VAPA: variants seen among roughly 807,000 people sequenced by gnomAD.
The protein encoded by VAPA is vesicle-associated membrane protein-associated protein A.
In VAPA, 6 loss-of-function variants were observed where a neutral mutation model predicts 25.6. The ratio of observed to expected loss-of-function variants is 0.23; its 90% CI spans 0.13 to 0.46. VAPA has a LOEUF of 0.46. Among genes scored for constraint, VAPA ranks in the 20% least tolerant of loss-of-function variants. VAPA has a pLI of 0.99. For synonymous variants in VAPA, 112 were observed against 106.2 expected (o/e 1.05, Z -0.34); for missense variants, 244 against 302.1 (o/e 0.81, Z 1.43).
At chr18:9,933,161 T>C (rs1307181050) in intron 2 of VAPA, among the ~76,000 whole-genome samples, 2 of 150,946 alleles carry the variant, frequency 1.3e-5, no homozygotes, top group African/African-American at 2.4e-5. Flanking sequence ...TAAGATATTA[T>C]AATAATTCTG....
chr18:9,930,020 A>C (rs2069237705), intron 1 of VAPA, among the ~76,000 whole-genome samples: 1 of 152,166 alleles, frequency 6.6e-6, no homozygotes, highest in Admixed American at 6.6e-5. Flanking sequence ...ACTATTTCAG[A>C]ATTCGTACAA....
At chr18:9,930,699 TA>T (rs1555615841) in intron 1 of VAPA, among the ~76,000 whole-genome samples, 58 of 150,366 alleles carry the variant, frequency 3.9e-4, no homozygotes, top group African/African-American at 1.1e-3. Flanking sequence ...GCTTTTTTTT[TA>T]AAAAAAAAAT....
intron 4 of VAPA, among the ~76,000 whole-genome samples, chr18:9,937,616 AAAAC>A (rs1337071281): frequency 6.6e-6 from 1 of 152,306 alleles, no homozygotes; most frequent in South Asian, 2.1e-4. Context: ...TGTTTATTCA[AAAAC>A]AAACAAAAAA....
intron 4 of VAPA, chr18:9,945,129 C>A: frequency 6.6e-7 from 1 of 1,520,806 alleles, no homozygotes. Context: ...AGATACCTAG[C>A]AGATAAGTGG....
At chr18:9,935,182 T>G (rs1361102156) in intron 2 of VAPA, among the ~76,000 whole-genome samples, 1 of 152,112 alleles carries the variant, frequency 6.6e-6, no homozygotes, top group Non-Finnish European at 1.5e-5. Flanking sequence ...TATGGTTTCC[T>G]TGTGTACTTT....
intron 1 of VAPA, chr18:9,923,953 T>G (rs766792096): frequency 0.037 from 6,427 of 174,568 alleles, 181 homozygotes; most frequent in Admixed American, 0.071. Flanking sequence ...GCGCCCCATC[T>G]CGTCTGATCT....
chr18:9,943,841 C>CTTTTTTTTTT lies in VAPA; in HGVS notation c.418-6526_418-6517dup, dbSNP rs71169911. On this transcript the variant is annotated intron_variant, in intron 4 of 5. Coordinates refer to ENST00000400000, the MANE Select transcript of VAPA (RefSeq NM_194434.3). ...TGACATTTGAAGGTGACATATTTCC[C>CTTTTTTTTTT]TTTTTTTTTTTTTTTTTTTTTTTTT... Among the ~76,000 whole-genome samples, 44 of 51,770 alleles carry CTTTTTTTTTT rather than the reference C, an allele frequency of 8.5e-4. 13 individuals carry two copies. The highest frequency in any genetic ancestry group is 1.8e-3 in the Admixed American group (6 of 3,266). The allele number at this position is 51,770 out of a possible 152,430, so 34.0% of individuals were successfully genotyped here.
At position 9,954,268 on chromosome 18, in the gene VAPA, T is replaced by C; in HGVS notation, c.*57T>C. On this transcript the variant is annotated 3_prime_UTR_variant, in exon 6 of 6. Coordinates refer to ENST00000400000, the MANE Select transcript of VAPA (RefSeq NM_194434.3). ...TTTTTTTCTCTTGACCAGAAAAAGA[T>C]TTGTTTACCTACCATTTCATTGGTA... 1 of 1,486,472 alleles carries C rather than the reference T, an allele frequency of 6.7e-7. No individual in the cohort carries two copies. Among genetic ancestry groups the C allele is most frequent in the African/African-American group, 1.4e-5 (1 of 70,612 alleles). 92.1% of individuals were successfully genotyped at this position (1,486,472 alleles called of 1,614,324 possible). A position where few individuals can be genotyped will look rare whatever the true frequency, so the allele number is the denominator to read the frequency against.
chr18:9,951,616 T>A (rs2069490974), intron 5 of VAPA, among the ~76,000 whole-genome samples: 1 of 152,260 alleles, frequency 6.6e-6, no homozygotes, highest in Non-Finnish European at 1.5e-5. Flanking sequence ...CTTTGACAAG[T>A]AATTACTTGT....
At chr18:9,953,094 T>C (rs2069507189) in intron 5 of VAPA, among the ~76,000 whole-genome samples, 1 of 152,222 alleles carries the variant, frequency 6.6e-6, no homozygotes, top group Admixed American at 6.5e-5. Context: ...TAACAGGTAT[T>C]AGTATTTTTC....
intron 2 of VAPA, among the ~76,000 whole-genome samples, chr18:9,934,521 C>T (rs1567896300): frequency 6.6e-6 from 1 of 152,240 alleles, no homozygotes; most frequent in Non-Finnish European, 1.5e-5. Context: ...AAAAAGTTGT[C>T]TTAACCTTGA....
chr18:9,920,164 C>T (rs1479928737), intron 1 of VAPA, among the ~76,000 whole-genome samples: 1 of 152,076 alleles, frequency 6.6e-6, no homozygotes, highest in East Asian at 1.9e-4. Context: ...ATGTTTAGGT[C>T]TTTCAGGATA....
intron 1 of VAPA, among the ~76,000 whole-genome samples, chr18:9,920,656 A>G (rs1017031200): frequency 1.3e-5 from 2 of 152,196 alleles, no homozygotes; most frequent in Non-Finnish European, 2.9e-5. Flanking sequence ...TACGCTTTGG[A>G]AAAAGGAGGC....
chr18:9,947,938 GTAAA>G (rs578047700), intron 4 of VAPA: 8 of 151,934 alleles, frequency 5.3e-5, no homozygotes, highest in Non-Finnish European at 1.2e-4. Flanking sequence ...ATATGTATAT[GTAAA>G]TAAATTAGAT....
In VAPA at chr18:9,959,679, A is replaced by G. The variant is rs1431888919; in HGVS notation, c.*5468A>G. ...AAGAACCCTGAGGAAAAATAATACAATGTGTGTGTGTGAGAGAGAGAGTGA... is the reference window on the plus strand; with the variant it reads ...AAGAACCCTGAGGAAAAATAATACAGTGTGTGTGTGTGAGAGAGAGAGTGA... On this transcript the variant is annotated 3_prime_UTR_variant, in exon 6 of 6. Transcript: ENST00000400000. 5 of 142,588 alleles carry G rather than the reference A, an allele frequency of 3.5e-5. No individual in the cohort carries two copies. Among genetic ancestry groups the G allele is most frequent in the South Asian group, 2.4e-4 (1 of 4,246 alleles). 8.8% of individuals were successfully genotyped at this position (142,588 alleles called of 1,614,324 possible).
At chr18:9,916,141 C>T (rs371930926) in intron 1 of VAPA, among the ~76,000 whole-genome samples, 1 of 152,196 alleles carries the variant, frequency 6.6e-6, no homozygotes, top group East Asian at 1.9e-4. Flanking sequence ...AAGTTTTCTC[C>T]TTAGGGAAGT....
intron 1 of VAPA, among the ~76,000 whole-genome samples, chr18:9,917,043 T>G (rs2069117455): frequency 1.3e-5 from 2 of 152,250 alleles, no homozygotes; most frequent in Non-Finnish European, 2.9e-5. Context: ...AAAGTTTGTT[T>G]TATACAGTCG....
intron 4 of VAPA, among the ~76,000 whole-genome samples, chr18:9,947,341 A>G (rs78010787): frequency 6.6e-6 from 1 of 152,248 alleles, no homozygotes; most frequent in Non-Finnish European, 1.5e-5. Flanking sequence ...TTACACCAGC[A>G]TCACCACAAA....
chr18:9,935,202 A>G (rs1319763253), intron 2 of VAPA, among the ~76,000 whole-genome samples: 1 of 152,100 alleles, frequency 6.6e-6, no homozygotes, highest in Non-Finnish European at 1.5e-5. Flanking sequence ...TTGTTTTCTT[A>G]GAAGATTTAA....
Sources: allele counts gnomAD v4.1 joint callset (sites outside exome capture counted in the v4.1 genomes callset), GRCh38; gene constraint gnomAD v4.1.1; transcripts MANE v1.5; gene names NCBI Gene and HGNC (gene_info 2026-07-23, HGNC 2026-07-21).